Variants in RABGAP1L observed in about 807,000 individuals in gnomAD.
The protein encoded by RABGAP1L is rab GTPase-activating protein 1-like.
In RABGAP1L, 63 loss-of-function variants were observed where a neutral mutation model predicts 137.7. That is an observed-to-expected ratio of 0.46 (90% CI 0.37 to 0.56). The LOEUF (loss-of-function observed/expected upper bound fraction) is 0.56, where lower values mean the gene tolerates loss of function less well. RABGAP1L is among the 20% of genes least tolerant of loss of function. RABGAP1L has a pLI of 0.00. For missense variants in RABGAP1L, 1,095 were observed against 1,244.0 expected, an observed-to-expected ratio of 0.88 and a Z score of 1.80; for synonymous variants, 431 against 433.7, an observed-to-expected ratio of 0.99 and a Z score of 0.08.
At chr1:174,305,411 G>A (rs1332637063) in intron 11 of RABGAP1L, among the ~76,000 whole-genome samples, 1 of 152,014 alleles carries the variant, frequency 6.6e-6, no homozygotes, top group Non-Finnish European at 1.5e-5. Context: ...TCTTGAGATA[G>A]AGTCTCCCCT....
chr1:174,580,565 G>A (rs1239213222), intron 13 of RABGAP1L, among the ~76,000 whole-genome samples: 1 of 152,042 alleles, frequency 6.6e-6, no homozygotes, highest in Non-Finnish European at 1.5e-5. Flanking sequence ...TCACTCATAG[G>A]TGGGAATCGA....
intron 20 of RABGAP1L, chr1:174,964,981 A>G: frequency 6.7e-7 from 1 of 1,491,706 alleles, no homozygotes; most frequent in Non-Finnish European, 9.0e-7. Context: ...ATGACTTTTG[A>G]GGAGGTAAGT....
intron 19 of RABGAP1L, among the ~76,000 whole-genome samples, chr1:174,893,663 T>G (rs1445373119): frequency 6.6e-6 from 1 of 152,212 alleles, no homozygotes; most frequent in African/African-American, 2.4e-5. Context: ...AGATAACATG[T>G]TCTACTTTCC....
At position 174,305,046 on chromosome 1, in the gene RABGAP1L, CGA is replaced by C; in HGVS notation, c.1388_1389del (p.Glu463ValfsTer2). 6.4e-7 allele frequency: 1 copy of C among 1,562,556 alleles called. No homozygotes were observed. Among genetic ancestry groups the C allele is most frequent in the Non-Finnish European group, 8.6e-7 (1 of 1,159,206 alleles). On this transcript the variant is annotated frameshift_variant, in exon 11 of 26. Coordinates refer to ENST00000681986, the MANE Select transcript of RABGAP1L (RefSeq NM_001366446.1). LOFTEE classifies it high-confidence loss of function. ...AATATATGAGGTGGTGAGTCTACAG[CGA>C]GAGTCTGACAAGGAGGAACCAGTCA... ...DAIYEVVSLQRESDKEEPVTP... is the reference protein window; with the variant it reads ...DAIYEVVSLQXESDKEEPVTP...
chr1:174,455,265 T>G (rs1288801397), intron 13 of RABGAP1L, among the ~76,000 whole-genome samples: 1 of 152,106 alleles, frequency 6.6e-6, no homozygotes, highest in East Asian at 1.9e-4. Context: ...TTTGCAAAAA[T>G]TTGAAAACTT....
intron 13 of RABGAP1L, among the ~76,000 whole-genome samples, chr1:174,613,244 C>T (rs1053084523): frequency 2.0e-5 from 3 of 152,008 alleles, no homozygotes; most frequent in Admixed American, 6.6e-5. Flanking sequence ...CCCAGAGATT[C>T]TGGTATGTTG....
At chr1:174,373,405 T>G (rs1256173691) in intron 12 of RABGAP1L, among the ~76,000 whole-genome samples, 1 of 152,174 alleles carries the variant, frequency 6.6e-6, no homozygotes, top group African/African-American at 2.4e-5. Flanking sequence ...GAAACAGCTA[T>G]GGCCTATGGG....
chr1:174,771,547 T>C lies in RABGAP1L; in HGVS notation c.2211+19193T>C, dbSNP rs567165267. 2.1e-4 allele frequency among the ~76,000 whole-genome samples: 32 copies of C among 152,350 alleles called. No individual in the cohort carries two copies. The South Asian group carries it at 6.4e-3, about 31-fold the overall frequency. On this transcript the variant is annotated intron_variant, in intron 18 of 25. Coordinates refer to ENST00000681986, the MANE Select transcript of RABGAP1L (RefSeq NM_001366446.1). The stretch of plus-strand genomic sequence containing the variant: ...ATATTTTATTTGTTATACTTCAAGA[T>C]GAATACCACCAAAATGTTTTCATTT...
At chr1:174,926,916 T>C (rs919479446) in intron 19 of RABGAP1L, among the ~76,000 whole-genome samples, 12 of 151,812 alleles carry the variant, frequency 7.9e-5, no homozygotes, top group African/African-American at 2.7e-4. Context: ...CTACTAAAAA[T>C]ACAAAAATTA....
At chr1:174,530,823 ATACATACATACATACG>A (rs879528655) in intron 13 of RABGAP1L, among the ~76,000 whole-genome samples, 1,672 of 116,138 alleles carry the variant, frequency 0.014, 17 homozygotes, top group African/African-American at 0.063. Context: ...ACATACATAC[ATACATACATACATACG>A]TACGTTTGTG....
At chr1:174,449,157 A>G (rs1218887550) in intron 13 of RABGAP1L, 2 of 1,609,118 alleles carry the variant, frequency 1.2e-6, no homozygotes, top group Non-Finnish European at 1.7e-6. Flanking sequence ...GAAGCACAAG[A>G]ACCCAAACCT....
intron 17 of RABGAP1L, among the ~76,000 whole-genome samples, chr1:174,715,697 T>A (rs940666136): frequency 7.2e-5 from 11 of 152,286 alleles, no homozygotes; most frequent in African/African-American, 2.6e-4. Context: ...TAACAGATGG[T>A]CTTTGTCTCT....
chr1:174,274,630 G>GTGTGTA (rs1553264765), intron 8 of RABGAP1L, among the ~76,000 whole-genome samples: 1 of 151,892 alleles, frequency 6.6e-6, no homozygotes, highest in Non-Finnish European at 1.5e-5. Flanking sequence ...GTGTGTGTGT[G>GTGTGTA]TGTGTGTGTA....
intron 19 of RABGAP1L, among the ~76,000 whole-genome samples, chr1:174,865,086 C>T (rs543766500): frequency 6.6e-5 from 10 of 152,232 alleles, no homozygotes; most frequent in Admixed American, 3.3e-4. Context: ...CGCCACTGCA[C>T]TCCAGCCTGG....
intron 13 of RABGAP1L, among the ~76,000 whole-genome samples, chr1:174,483,285 A>G (rs754567276): frequency 6.6e-6 from 1 of 151,910 alleles, no homozygotes; most frequent in East Asian, 1.9e-4. Flanking sequence ...ACCCCCTGCC[A>G]CAACTTCCCC....
chr1:174,460,260 A>G (rs1204048303), intron 13 of RABGAP1L, among the ~76,000 whole-genome samples: 1 of 151,788 alleles, frequency 6.6e-6, no homozygotes, highest in Non-Finnish European at 1.5e-5. Flanking sequence ...TCATTTAGTT[A>G]TTTTTATTTT....
intron 11 of RABGAP1L, among the ~76,000 whole-genome samples, chr1:174,338,662 TTTA>T (rs1422076668): frequency 1.3e-5 from 2 of 151,992 alleles, no homozygotes; most frequent in Non-Finnish European, 2.9e-5. Flanking sequence ...AGTCTGGTAT[TTTA>T]TTATGATTAA....
chr1:174,542,943 A>G (rs1665609273), intron 13 of RABGAP1L, among the ~76,000 whole-genome samples: 1 of 152,178 alleles, frequency 6.6e-6, no homozygotes, highest in African/African-American at 2.4e-5. Flanking sequence ...GTTTGATTGC[A>G]CTGTGGTCTG....
intron 18 of RABGAP1L, among the ~76,000 whole-genome samples, chr1:174,754,032 T>C (rs1558046732): frequency 6.6e-6 from 1 of 152,220 alleles, no homozygotes; most frequent in East Asian, 1.9e-4. Flanking sequence ...ATCTTCTTGA[T>C]TGACATGTTG....
Sources: gnomAD v4.1 joint callset for allele counts (sites outside exome capture counted in the v4.1 genomes callset) on GRCh38, gnomAD v4.1.1 for gene constraint, MANE v1.5 for transcripts, NCBI Gene and HGNC (gene_info 2026-07-23, HGNC 2026-07-21) for gene names.